The following GTF3C2 variants were observed in gnomAD, a reference collection of about 807,000 sequenced individuals.
GTF3C2 encodes the protein general transcription factor IIIC subunit 2.
GTF3C2 carries 17 observed loss-of-function variants against 117.4 expected under a neutral mutation model. That is an observed-to-expected ratio of 0.14 (90% CI 0.10 to 0.22). The LOEUF (loss-of-function observed/expected upper bound fraction) is 0.22. GTF3C2 is among the 10% of genes least tolerant of loss of function. The probability of loss-of-function intolerance (pLI) is 1.00; values close to 1 mark genes in which losing one functional copy is unlikely to be tolerated. For synonymous variants in GTF3C2, 437 were observed against 427.0 expected (o/e 1.02, Z -0.29); for missense variants, 888 against 1,143.6 (o/e 0.78, Z 3.22).
chr2:27,350,413 A>C, intron 1 of GTF3C2: 2 of 985,498 alleles, frequency 2.0e-6, no homozygotes, highest in Non-Finnish European at 2.4e-6. Flanking sequence ...GCATAAATAA[A>C]TGATCACGAT....
intron 1 of GTF3C2, among the ~76,000 whole-genome samples, chr2:27,355,603 A>G (rs1046189922): frequency 6.6e-6 from 1 of 152,112 alleles, no homozygotes; most frequent in African/African-American, 2.4e-5. Flanking sequence ...AAAGGAATAG[A>G]TGATCAGTAA....
At chr2:27,356,251 C>T in intron 1 of GTF3C2, 1 of 467,886 alleles carries the variant, frequency 2.1e-6, no homozygotes, top group South Asian at 1.6e-5. Context: ...GGGGCACAAC[C>T]CTCGGGGTTA....
In GTF3C2 at chr2:27,343,094, G is replaced by A. The variant is rs746816301; in HGVS notation, c.301C>T (p.Arg101Trp). ...TTTCGTGTCCTACCACCTCTCTTCC[G>A]GCCAGGCTTTGAGGCCCTAGGCTTT... The change falls in exon 3 of 19, where the codon CGG becomes TGG. Residue 101 changes from arginine (R) to tryptophan (W), a missense_variant. By Grantham distance (101) the Arg-to-Trp change is moderately radical. Coordinates refer to ENST00000264720, the Ensembl canonical transcript of GTF3C2. 37 of 1,610,110 alleles carry A rather than the reference G, an allele frequency of 2.3e-5. No homozygotes were observed. The highest frequency in any genetic ancestry group is 1.7e-4 in the Admixed American group (10 of 59,434).
chr2:27,349,879 A>G (rs1160307995), intron 1 of GTF3C2, among the ~76,000 whole-genome samples: 1 of 151,798 alleles, frequency 6.6e-6, no homozygotes, highest in Admixed American at 6.6e-5. Context: ...ACCTCAAATG[A>G]TCCCCCTGCC....
At position 27,347,488 on chromosome 2, in the gene GTF3C2, T is replaced by A. The variant is rs922707091; in HGVS notation, c.-24-3910A>T. ...GTAAATAAAGGTCAGTGAAAATCCATCTATATTATTCCTGTGATAAATAAG... is the reference window on the plus strand; with the variant it reads ...GTAAATAAAGGTCAGTGAAAATCCAACTATATTATTCCTGTGATAAATAAG... On this transcript the variant is annotated intron_variant, in intron 1 of 18. Coordinates refer to ENST00000264720, the Ensembl canonical transcript of GTF3C2. Among the ~76,000 whole-genome samples the A allele has an allele frequency of 5.3e-5, 8 of 152,272 alleles. No homozygotes were observed. In the South Asian group the frequency reaches 1.2e-3, roughly 24 times the overall value.
At position 27,341,817 on chromosome 2, in the gene GTF3C2, G is replaced by A. The variant is rs1445238839; in HGVS notation, c.855+131C>T. ...TAATATGCCAAATGTTTTGGAAATG[G>A]ACCCTTTTTTCTTTAACCTGTTTTG... On this transcript the variant is annotated intron_variant, in intron 4 of 18. Coordinates refer to ENST00000264720, the Ensembl canonical transcript of GTF3C2. 54 of 722,986 alleles carry A rather than the reference G, an allele frequency of 7.5e-5. 1 individual carries two copies. The highest frequency in any genetic ancestry group is 5.7e-5 in the Non-Finnish European group (25 of 438,538). The allele number at this position is 722,986 out of a possible 1,614,324, so 44.8% of individuals were successfully genotyped here. A position where few individuals can be genotyped will look rare whatever the true frequency, so the allele number is the denominator to read the frequency against.
At chr2:27,326,292 C>CT (rs1680070571) in exon 19 of GTF3C2, 1 of 469,390 alleles carries the variant, frequency 2.1e-6, no homozygotes, top group Non-Finnish European at 4.3e-6. Context: ...TGCAGATACC[C>CT]TTTTCAGTTC....
intron 1 of GTF3C2, among the ~76,000 whole-genome samples, chr2:27,354,756 G>A (rs547399340): frequency 6.6e-5 from 10 of 152,032 alleles, no homozygotes; most frequent in Middle Eastern, 3.4e-3. Flanking sequence ...GGAAGATTCC[G>A]GTTTTTTTTA....
intron 10 of GTF3C2, 42 bp downstream of exon 10, chr2:27,335,556 C>T: frequency 8.9e-7 from 1 of 1,125,498 alleles, no homozygotes; most frequent in Non-Finnish European, 1.3e-6. Context: ...TATGCTGTGA[C>T]CACCACTACA....
intron 16 of GTF3C2, 106 bp downstream of exon 16, chr2:27,328,362 G>A (rs1279585506): frequency 8.2e-7 from 1 of 1,214,648 alleles, no homozygotes; most frequent in South Asian, 1.3e-5. Context: ...AAGATTTTCT[G>A]GGATATCAGG....
chr2:27,346,239 G>T (rs1477534035), intron 1 of GTF3C2, among the ~76,000 whole-genome samples: 1 of 149,296 alleles, frequency 6.7e-6, no homozygotes, highest in Non-Finnish European at 1.5e-5. Flanking sequence ...GCCCAGGATG[G>T]TCTTGAATTC....
At chr2:27,346,226 G>A (rs888567376) in intron 1 of GTF3C2, among the ~76,000 whole-genome samples, 15 of 149,608 alleles carry the variant, frequency 1.0e-4, no homozygotes, top group African/African-American at 3.4e-4. Flanking sequence ...GTCTCACTAC[G>A]TTGCCCAGGA....
At chr2:27,338,786 C>G (rs1349358915) in intron 4 of GTF3C2, among the ~76,000 whole-genome samples, 1 of 152,080 alleles carries the variant, frequency 6.6e-6, no homozygotes, top group Admixed American at 6.5e-5. Flanking sequence ...GATCCCTCCC[C>G]CTCGGCCTCC....
chr2:27,328,128 G>C (rs1680151323), exon 17 of GTF3C2: 1 of 1,609,302 alleles, frequency 6.2e-7, no homozygotes, highest in African/African-American at 1.3e-5. Context: ...AGATGAAGCA[G>C]AAGAATGGTC....
intron 17 of GTF3C2, among the ~76,000 whole-genome samples, chr2:27,327,683 A>C (rs180750433): frequency 1.5e-5 from 2 of 134,148 alleles, no homozygotes; most frequent in East Asian, 4.4e-4. Context: ...GCTGGAGTGC[A>C]GTGGTGTGAC....
At chr2:27,335,272 G>A (rs1184554068) in intron 10 of GTF3C2, 2 of 510,244 alleles carry the variant, frequency 3.9e-6, no homozygotes, top group Admixed American at 4.6e-5. Context: ...TAGCAGGGGA[G>A]ATGGGCCCTA....
At chr2:27,327,263 G>A (rs756909209) in exon 18 of GTF3C2, 38 of 1,598,622 alleles carry the variant, frequency 2.4e-5, no homozygotes, top group African/African-American at 5.4e-5. Context: ...GGTTCTCTAC[G>A]GAGCAGATCA....
chr2:27,351,053 C>A (rs1681116020), intron 1 of GTF3C2, among the ~76,000 whole-genome samples: 1 of 151,884 alleles, frequency 6.6e-6, no homozygotes, highest in African/African-American at 2.4e-5. Flanking sequence ...GAGTTGAAGA[C>A]TGCAGTGAGC....
At chr2:27,328,570 C>A in exon 16 of GTF3C2, 1 of 1,611,410 alleles carries the variant, frequency 6.2e-7, no homozygotes, top group Non-Finnish European at 8.5e-7. Context: ...CAGCTATTGT[C>A]CCAAGCCAGT....
Sources: allele counts gnomAD v4.1 joint callset (sites outside exome capture counted in the v4.1 genomes callset), GRCh38; gene constraint gnomAD v4.1.1; transcripts MANE v1.5; gene names NCBI Gene and HGNC (gene_info 2026-07-23, HGNC 2026-07-21).